Variants in IL26 observed in about 807,000 individuals in gnomAD.
The protein encoded by IL26 is interleukin-26.
A neutral mutation model predicts 21.7 loss-of-function variants in IL26; 23 were observed. That is an observed-to-expected ratio of 1.06 (90% confidence interval 0.76 to 1.50). The LOEUF is 1.50. IL26 is among the 40% of genes most tolerant of loss of function. The pLI is 0.00. For synonymous variants in IL26, 63 were observed against 67.8 expected (o/e 0.93, Z 0.34); for missense variants, 204 against 196.0 (o/e 1.04, Z -0.24).
chr12:68,221,844 A>G (rs1237067230), intron 3 of IL26, among the ~76,000 whole-genome samples: 1 of 152,196 alleles, frequency 6.6e-6, no homozygotes, highest in Non-Finnish European at 1.5e-5. Context: ...CATCATTGGA[A>G]TTGCAATATT....
intron 3 of IL26, among the ~76,000 whole-genome samples, chr12:68,209,379 A>G (rs1418920376): frequency 6.6e-6 from 1 of 152,204 alleles, no homozygotes; most frequent in African/African-American, 2.4e-5. Flanking sequence ...TGCATTAAGC[A>G]CATGATTTAC....
intron 3 of IL26, among the ~76,000 whole-genome samples, chr12:68,209,056 A>G (rs745736985): frequency 3.9e-5 from 6 of 152,176 alleles, no homozygotes; most frequent in Non-Finnish European, 7.4e-5. Context: ...CAAGCAATAC[A>G]ATCCTTAGTT....
intron 3 of IL26, among the ~76,000 whole-genome samples, chr12:68,205,562 T>C (rs1011440339): frequency 3.3e-5 from 5 of 152,164 alleles, no homozygotes; most frequent in African/African-American, 1.2e-4. Context: ...GCCATCTTCA[T>C]GTTCAGCAAA....
intron 3 of IL26, among the ~76,000 whole-genome samples, chr12:68,204,105 C>T (rs1250547169): frequency 6.6e-6 from 1 of 150,514 alleles, no homozygotes; most frequent in Admixed American, 6.6e-5. Context: ...AAAAGTAGTT[C>T]CTCATGTTTC....
intron 3 of IL26, among the ~76,000 whole-genome samples, chr12:68,224,047 C>CCG (rs1555189795): frequency 6.6e-6 from 1 of 151,074 alleles, no homozygotes; most frequent in African/African-American, 2.5e-5. Flanking sequence ...ACACCCCCCC[C>CCG]CTCTAATGGC....
chr12:68,220,278 T>C (rs1166488845), intron 3 of IL26, among the ~76,000 whole-genome samples: 1 of 152,246 alleles, frequency 6.6e-6, no homozygotes, highest in Admixed American at 6.5e-5. Flanking sequence ...ATCTAACATA[T>C]GTAGATGCAA....
At chr12:68,218,034 C>T (rs1868939477) in intron 3 of IL26, among the ~76,000 whole-genome samples, 1 of 152,070 alleles carries the variant, frequency 6.6e-6, no homozygotes, top group South Asian at 2.1e-4. Flanking sequence ...TACTTTGGTC[C>T]TGCCTAACAA....
At chr12:68,223,062 T>TC (rs1869103854) in intron 3 of IL26, among the ~76,000 whole-genome samples, 1 of 152,178 alleles carries the variant, frequency 6.6e-6, no homozygotes, top group African/African-American at 2.4e-5. Flanking sequence ...TATGTTTGGC[T>TC]GAAACATTAT....
intron 1 of IL26, 40 bp from the exon 2 acceptor site, chr12:68,225,540 G>A (rs891938891): frequency 6.2e-7 from 1 of 1,605,452 alleles, no homozygotes; most frequent in African/African-American, 1.3e-5. Flanking sequence ...ATCCAAGATT[G>A]TAAATGTCCT....
chr12:68,210,182 A>G (rs1049077941), intron 3 of IL26, among the ~76,000 whole-genome samples: 3 of 151,984 alleles, frequency 2.0e-5, no homozygotes, highest in Non-Finnish European at 4.4e-5. Flanking sequence ...TACTGCAGAT[A>G]CAGACTCTTA....
chr12:68,210,182 A>ACAGAC (rs1449601177), intron 3 of IL26, among the ~76,000 whole-genome samples: 1 of 151,984 alleles, frequency 6.6e-6, no homozygotes, highest in African/African-American at 2.4e-5. Context: ...TACTGCAGAT[A>ACAGAC]CAGACTCTTA....
chr12:68,224,648 GGAAA>G (rs1288992674), intron 3 of IL26, among the ~76,000 whole-genome samples: 1 of 142,544 alleles, frequency 7.0e-6, no homozygotes, highest in Non-Finnish European at 1.5e-5. Context: ...AAGGAAGGAA[GGAAA>G]AGAAAGAAAG....
rs1413985135 is a variant in IL26, at chr12:68,223,125, C to T, written c.363+2024G>A. 5.3e-5 allele frequency among the ~76,000 whole-genome samples: 8 copies of T among 152,088 alleles called. No individual in the cohort carries two copies. In the East Asian group the frequency reaches 1.5e-3, roughly 29 times the overall value. On this transcript the variant is annotated intron_variant, in intron 3 of 4. Transcript: ENST00000229134. Reference sequence around the variant, plus strand: ...AAATCAATGTCTGCAGTCTTTCTAACGCTCAGGCCAATCCTGCCGCTTTAT... The same window carrying T: ...AAATCAATGTCTGCAGTCTTTCTAATGCTCAGGCCAATCCTGCCGCTTTAT...
chr12:68,205,129 A>G (rs1868498242), intron 3 of IL26, among the ~76,000 whole-genome samples: 1 of 152,252 alleles, frequency 6.6e-6, no homozygotes, highest in Non-Finnish European at 1.5e-5. Flanking sequence ...ATCATGTCAT[A>G]GGAAACATTC....
chr12:68,202,634 T>G (rs1868419950), intron 3 of IL26, among the ~76,000 whole-genome samples: 1 of 152,068 alleles, frequency 6.6e-6, no homozygotes, highest in Admixed American at 6.5e-5. Context: ...GAGAATTCAT[T>G]TACTGTCATG....
intron 3 of IL26, among the ~76,000 whole-genome samples, chr12:68,210,924 A>C (rs1281469757): frequency 1.3e-5 from 2 of 152,260 alleles, no homozygotes; most frequent in Non-Finnish European, 2.9e-5. Context: ...ACTCAGCAAT[A>C]GAGCTGCACC....
chr12:68,215,781 C>A (rs533547681), intron 3 of IL26, among the ~76,000 whole-genome samples: 141 of 152,166 alleles, frequency 9.3e-4, no homozygotes, highest in African/African-American at 3.0e-3. Context: ...AATCCTCGTG[C>A]CTCAGCCTCC....
At chr12:68,211,540 C>A (rs1240183370) in intron 3 of IL26, among the ~76,000 whole-genome samples, 1 of 152,244 alleles carries the variant, frequency 6.6e-6, no homozygotes. Flanking sequence ...TGCCAGGGTT[C>A]CCCTTTCTCT....
intron 3 of IL26, among the ~76,000 whole-genome samples, chr12:68,218,663 G>T (rs1868961418): frequency 6.6e-6 from 1 of 151,794 alleles, no homozygotes; most frequent in Admixed American, 6.6e-5. Flanking sequence ...AAAAGTTTTT[G>T]AATAAATAAT....
Sources: gnomAD v4.1 joint callset for allele counts (sites outside exome capture counted in the v4.1 genomes callset) on GRCh38, gnomAD v4.1.1 for gene constraint, MANE v1.5 for transcripts, NCBI Gene and HGNC (gene_info 2026-07-23, HGNC 2026-07-21) for gene names.